Variants in TGM7 observed in about 807,000 individuals in gnomAD.
TGM7 encodes the protein transglutaminase 7, also known as protein-glutamine gamma-glutamyltransferase Z.
A neutral mutation model predicts 79.5 loss-of-function variants in TGM7; 74 were observed. The observed-to-expected ratio is 0.93, with a 90% CI of 0.77 to 1.13. TGM7 has a LOEUF of 1.13. Ranked by LOEUF, TGM7 falls within the 50% of genes most tolerant of loss-of-function variation. The pLI is 0.00. For missense variants in TGM7, 912 were observed against 905.9 expected (o/e 1.01, Z -0.09); for synonymous variants, 354 against 362.5 (o/e 0.98, Z 0.27).
At chr15:43,279,082 G>C (rs1298570612) in intron 11 of TGM7, 35 bp downstream of exon 11, 1 of 1,589,460 alleles carries the variant, frequency 6.3e-7, no homozygotes, top group Non-Finnish European at 8.6e-7. Flanking sequence ...GTGAGTCAGA[G>C]AGCCTCAGAG....
intron 6 of TGM7, among the ~76,000 whole-genome samples, chr15:43,285,393 G>C (rs1455590892): frequency 6.6e-6 from 1 of 152,200 alleles, no homozygotes; most frequent in Non-Finnish European, 1.5e-5. Context: ...AAAATTAGCT[G>C]GGTGTGGTGG....
intron 1 of TGM7, among the ~76,000 whole-genome samples, chr15:43,300,670 G>A (rs1239516027): frequency 5.9e-5 from 9 of 152,162 alleles, no homozygotes; most frequent in South Asian, 4.2e-4. Context: ...GCGTGGTAGC[G>A]GGCGCCTGTA....
Position 43,284,866 on chromosome 15 carries a change from A to G in TGM7, c.952T>C (p.Tyr318His). 1 of 1,614,158 alleles carries G rather than the reference A, an allele frequency of 6.2e-7. No individual in the cohort carries two copies. The highest frequency in any genetic ancestry group is 8.5e-7 in the Non-Finnish European group (1 of 1,180,010). The change falls in exon 7 of 13, where the codon TAC (tyrosine) becomes CAC (histidine). Residue 318 changes from tyrosine to histidine, a missense_variant. Tyr to His is a moderately conservative substitution (Grantham distance 83). Transcript: ENST00000452443. ...AGCATCTCGGCATTTCGGTCATAGT[A>G]CGTATCGATGGTCAAGTTCCTATCC... ...NVDRNLTIDT[Y>H]YDRNAEMLST...
intron 1 of TGM7, among the ~76,000 whole-genome samples, chr15:43,296,745 G>A (rs895484022): frequency 6.6e-6 from 1 of 152,126 alleles, no homozygotes; most frequent in African/African-American, 2.4e-5. Context: ...AAAGGAGAGG[G>A]GGAGGAAGGA....
chr15:43,288,686 T>A (rs2042949266), intron 4 of TGM7, among the ~76,000 whole-genome samples: 1 of 152,178 alleles, frequency 6.6e-6, no homozygotes, highest in Admixed American at 6.5e-5. Context: ...TCCCAGTACT[T>A]CGAGAGGCCG....
Position 43,276,558 on chromosome 15 carries a change from G to A in TGM7, c.2030C>T (p.Thr677Ile). ...TLQIQLDLYPTKAGPRQLQVL... is the reference protein window; with the variant it reads ...TLQIQLDLYPIKAGPRQLQVL... ...CTGGAGCTGGCGGGGTCCAGCTTTG[G>A]TCGGGTAGAGGTCCAGTTGAATTTG... The change falls in exon 13 of 13, where the codon ACC (threonine) becomes ATC (isoleucine). Residue 677 changes from threonine to isoleucine, a missense_variant. Physicochemically the swap from Thr to Ile is moderately conservative, Grantham distance 89. Transcript: ENST00000452443. 1 of 1,614,154 alleles carries A rather than the reference G, an allele frequency of 6.2e-7. No individual in the cohort carries two copies.
At chr15:43,297,637 A>AAAGAAAGAAAGAAAG (rs1566848011) in intron 1 of TGM7, among the ~76,000 whole-genome samples, 2 of 127,216 alleles carry the variant, frequency 1.6e-5, no homozygotes, top group South Asian at 2.6e-4. Context: ...AAGAAAGAAA[A>AAAGAAAGAAAGAAAG]AGAAAGAAAG....
At chr15:43,296,026 A>G (rs919333047) in intron 1 of TGM7, among the ~76,000 whole-genome samples, 1 of 152,220 alleles carries the variant, frequency 6.6e-6, no homozygotes, top group Non-Finnish European at 1.5e-5. Context: ...AGCCTGTAAT[A>G]AGAAAATGGA....
At chr15:43,293,742 G>T (rs113022613) in intron 1 of TGM7, 111 bp from the exon 2 acceptor site, 1 of 91,574 alleles carries the variant, frequency 1.1e-5, no homozygotes, top group East Asian at 3.0e-4. Context: ...GGGGCGTGCG[G>T]GGGGTAGGTG....
chr15:43,293,421 G>C (rs1029269677), intron 2 of TGM7, 28 bp downstream of exon 2: 1 of 1,562,772 alleles, frequency 6.4e-7, no homozygotes. Context: ...GACGGAACCT[G>C]CGGGGCCTTG....
chr15:43,280,951 AAGG>A (rs1055627154), intron 9 of TGM7, among the ~76,000 whole-genome samples: 12 of 152,202 alleles, frequency 7.9e-5, no homozygotes, highest in Admixed American at 1.3e-4. Context: ...TAGCAAGAGC[AAGG>A]AGGAGGAGGT....
chr15:43,290,789 T>C (rs1490419568), intron 4 of TGM7, among the ~76,000 whole-genome samples: 1 of 152,254 alleles, frequency 6.6e-6, no homozygotes. Flanking sequence ...ATGTCCCTTG[T>C]AAGTTGGATT....
At chr15:43,280,025 A>G in intron 9 of TGM7, 74 bp from the exon 10 acceptor site, 2 of 1,426,662 alleles carry the variant, frequency 1.4e-6, no homozygotes, top group Admixed American at 3.8e-5. Flanking sequence ...TGGGGCAACA[A>G]GGCACAGGAA....
At chr15:43,293,685 C>A in intron 1 of TGM7, 54 bp from the exon 2 acceptor site, 1 of 1,413,590 alleles carries the variant, frequency 7.1e-7, no homozygotes, top group South Asian at 1.5e-5. Context: ...TGGGCTCAGG[C>A]ATCCCTTGTG....
At chr15:43,286,956 C>A (rs962687687) in intron 6 of TGM7, among the ~76,000 whole-genome samples, 1 of 152,206 alleles carries the variant, frequency 6.6e-6, no homozygotes. Flanking sequence ...GCCAGGCTCA[C>A]CCTGAGCTGA....
chr15:43,279,095 C>T, intron 11 of TGM7, 22 bp downstream of exon 11: 1 of 1,601,228 alleles, frequency 6.2e-7, no homozygotes, highest in Non-Finnish European at 8.5e-7. Context: ...CCTCAGAGCC[C>T]CCACCCATGT....
intron 4 of TGM7, 61 bp downstream of exon 4, chr15:43,291,918 G>T: frequency 1.7e-6 from 2 of 1,195,864 alleles, no homozygotes; most frequent in Non-Finnish European, 2.5e-6. Flanking sequence ...TACATAACAG[G>T]GTTGTGTAAG....
chr15:43,290,541 A>G (rs993863832), intron 4 of TGM7, among the ~76,000 whole-genome samples: 21 of 152,278 alleles, frequency 1.4e-4, no homozygotes, highest in Non-Finnish European at 2.5e-4. Flanking sequence ...TTGACTTGGC[A>G]ATGCAGGCTC....
At chr15:43,293,913 G>GA (rs1189666179) in intron 1 of TGM7, among the ~76,000 whole-genome samples, 1 of 42,026 alleles carries the variant, frequency 2.4e-5, no homozygotes, top group Non-Finnish European at 3.7e-5. Context: ...GGGGCTGTGC[G>GA]GGGGGAGTGG....
Sources: gnomAD v4.1 joint callset for allele counts (sites outside exome capture counted in the v4.1 genomes callset) on GRCh38, gnomAD v4.1.1 for gene constraint, MANE v1.5 for transcripts, NCBI Gene and HGNC (gene_info 2026-07-23, HGNC 2026-07-21) for gene names.